PHACTR1: variants seen among roughly 807,000 people sequenced by gnomAD.
PHACTR1 encodes the protein RPEL repeat containing 1.
Under a neutral mutation model 69.2 loss-of-function variants are expected in PHACTR1, and 16 were observed. The observed-to-expected ratio is 0.23, with a 90% CI of 0.16 to 0.35. The LOEUF is 0.35. Among genes scored for constraint, PHACTR1 ranks in the 10% least tolerant of loss-of-function variants. PHACTR1 has a pLI of 1.00. For synonymous variants in PHACTR1, 312 were observed against 284.5 expected (o/e 1.10, Z -0.97); for missense variants, 510 against 734.7 (o/e 0.69, Z 3.54).
chr6:12,725,700 T>C (rs947159457), intron 3 of PHACTR1, among the ~76,000 whole-genome samples: 2 of 152,194 alleles, frequency 1.3e-5, no homozygotes, highest in Non-Finnish European at 2.9e-5. Flanking sequence ...ATTGATACTC[T>C]TGTTTTACGA....
At chr6:13,200,099 G>A (rs915773633) in intron 7 of PHACTR1, among the ~76,000 whole-genome samples, 3 of 152,192 alleles carry the variant, frequency 2.0e-5, no homozygotes, top group Non-Finnish European at 4.4e-5. Flanking sequence ...TGGAACTGAT[G>A]CATCCTGGCC....
intron 4 of PHACTR1, among the ~76,000 whole-genome samples, chr6:12,774,614 A>AAACTCCTG (rs1160732198): frequency 7.9e-5 from 12 of 152,198 alleles, no homozygotes. Context: ...GGCTGGTCTC[A>AAACTCCTG]AACTCCTGAC....
chr6:13,160,755 G>A (rs910922340), intron 6 of PHACTR1, among the ~76,000 whole-genome samples: 2 of 152,150 alleles, frequency 1.3e-5, no homozygotes, highest in African/African-American at 4.8e-5. Context: ...ATAAATTGAA[G>A]GAGATAAATT....
At chr6:12,859,763 C>A (rs1056161357) in intron 4 of PHACTR1, among the ~76,000 whole-genome samples, 1 of 152,050 alleles carries the variant, frequency 6.6e-6, no homozygotes, top group South Asian at 2.1e-4. Flanking sequence ...CATCTTTGTA[C>A]CCTTGCCAAA....
intron 3 of PHACTR1, among the ~76,000 whole-genome samples, chr6:12,732,083 G>T (rs538069278): frequency 1.7e-4 from 26 of 151,634 alleles, no homozygotes; most frequent in Middle Eastern, 3.4e-3. Context: ...CTGGGAGGTG[G>T]GGGAGGAGGG....
At chr6:13,043,225 G>A (rs529982736) in intron 4 of PHACTR1, among the ~76,000 whole-genome samples, 54 of 152,282 alleles carry the variant, frequency 3.5e-4, no homozygotes, top group African/African-American at 1.2e-3. Flanking sequence ...TCAGGGGTGC[G>A]AGACCAGCCT....
intron 14 of PHACTR1, among the ~76,000 whole-genome samples, chr6:13,286,532 T>C (rs1309937497): frequency 6.6e-6 from 1 of 152,236 alleles, no homozygotes; most frequent in Non-Finnish European, 1.5e-5. Flanking sequence ...GGAGAAAAGA[T>C]TGTTGCCAAT....
chr6:13,111,663 C>G (rs955713426), intron 5 of PHACTR1, among the ~76,000 whole-genome samples: 6 of 152,124 alleles, frequency 3.9e-5, no homozygotes, highest in African/African-American at 1.4e-4. Context: ...GTTCCTTCCC[C>G]CATCCTCTCA....
chr6:13,079,880 A>T (rs1377925668), intron 5 of PHACTR1, among the ~76,000 whole-genome samples: 1 of 152,132 alleles, frequency 6.6e-6, no homozygotes, highest in Non-Finnish European at 1.5e-5. Context: ...TCATCTTCAA[A>T]ATATGTGTCC....
At chr6:12,876,043 A>G (rs749850088) in intron 4 of PHACTR1, among the ~76,000 whole-genome samples, 2 of 152,338 alleles carry the variant, frequency 1.3e-5, no homozygotes, top group South Asian at 2.1e-4. Context: ...TTTCTCAATT[A>G]ACTCAAAATA....
chr6:13,051,800 C>T (rs1046698613), intron 4 of PHACTR1, among the ~76,000 whole-genome samples: 1 of 152,184 alleles, frequency 6.6e-6, no homozygotes, highest in Non-Finnish European at 1.5e-5. Flanking sequence ...TCTGTCTCCT[C>T]CTTGGGACTC....
chr6:12,828,707 A>G (rs182852968), intron 4 of PHACTR1, among the ~76,000 whole-genome samples: 1 of 152,186 alleles, frequency 6.6e-6, no homozygotes, highest in Non-Finnish European at 1.5e-5. Context: ...TGCTTTTGTA[A>G]TAAACAAAAA....
In PHACTR1 at chr6:13,111,499, G is replaced by A. The variant is rs555107894; in HGVS notation, c.416-48705G>A. Among the ~76,000 whole-genome samples the A allele has an allele frequency of 9.2e-5, 14 of 152,128 alleles. No individual in the cohort carries two copies. In the South Asian group the frequency reaches 1.0e-3, roughly 11 times the overall value. On this transcript the variant is annotated intron_variant, in intron 5 of 14. Coordinates refer to ENST00000332995, the MANE Select transcript of PHACTR1 (RefSeq NM_030948.6). ...ACAATGAAAACAGCCATTCCCTGTC[G>A]CACACCTCATTGTTTTAGTCCTATT...
At chr6:13,102,873 G>T (rs1344798580) in intron 5 of PHACTR1, among the ~76,000 whole-genome samples, 1 of 152,102 alleles carries the variant, frequency 6.6e-6, no homozygotes, top group Non-Finnish European at 1.5e-5. Flanking sequence ...AATCTCTAAC[G>T]TGACAGACAG....
intron 4 of PHACTR1, among the ~76,000 whole-genome samples, chr6:12,985,822 G>A (rs998353751): frequency 2.0e-5 from 3 of 151,518 alleles, no homozygotes; most frequent in Non-Finnish European, 4.4e-5. Context: ...TTTATATTAA[G>A]TTCAAAAACA....
At chr6:12,742,049 C>T (rs1164057866) in intron 3 of PHACTR1, among the ~76,000 whole-genome samples, 1 of 151,932 alleles carries the variant, frequency 6.6e-6, no homozygotes, top group Non-Finnish European at 1.5e-5. Flanking sequence ...TTTTCATTTT[C>T]TAATTTTGCT....
intron 3 of PHACTR1, among the ~76,000 whole-genome samples, chr6:12,741,840 A>T (rs924708782): frequency 6.6e-6 from 1 of 151,684 alleles, no homozygotes; most frequent in African/African-American, 2.4e-5. Context: ...ATTTGACAAG[A>T]TTGATGCCTT....
intron 5 of PHACTR1, among the ~76,000 whole-genome samples, chr6:13,124,627 G>A (rs972648457): frequency 9.2e-5 from 14 of 152,182 alleles, no homozygotes; most frequent in East Asian, 1.9e-4. Flanking sequence ...GTTAGCTTGC[G>A]CTGCCATAAC....
At chr6:13,231,553 A>C (rs553924488) in intron 10 of PHACTR1, among the ~76,000 whole-genome samples, 1 of 152,360 alleles carries the variant, frequency 6.6e-6, no homozygotes, top group African/African-American at 2.4e-5. Context: ...GTGTGGTTTG[A>C]TTAAGCACAA....
Sources: gnomAD v4.1 joint callset for allele counts (sites outside exome capture counted in the v4.1 genomes callset) on GRCh38, gnomAD v4.1.1 for gene constraint, MANE v1.5 for transcripts, NCBI Gene and HGNC (gene_info 2026-07-23, HGNC 2026-07-21) for gene names.